The following PRH1 variants were observed in gnomAD, a reference collection of about 807,000 sequenced individuals.
The protein encoded by PRH1 is salivary acidic proline-rich phosphoprotein 1/2.
In PRH1, 7 loss-of-function variants were observed where a neutral mutation model predicts 7.9. The ratio of observed to expected loss-of-function variants is 0.89; its 90% CI spans 0.50 to 1.67. The LOEUF (loss-of-function observed/expected upper bound fraction) is 1.67. Ranked by LOEUF, PRH1 falls within the 40% of genes most tolerant of loss-of-function variation. PRH1 has a pLI of 0.00. For missense variants in PRH1, 109 were observed against 223.6 expected, an observed-to-expected ratio of 0.49 and a Z score of 3.27; for synonymous variants, 45 against 80.8, an observed-to-expected ratio of 0.56 and a Z score of 2.38.
At position 11,086,785 on chromosome 12, in the gene PRH1, A is replaced by C. The variant is rs1372356812; in HGVS notation, n.124-39597T>G. 3.5e-5 allele frequency among the ~76,000 whole-genome samples: 4 copies of C among 114,270 alleles called. No homozygotes were observed. The East Asian group carries it at 8.6e-4, about 24-fold the overall frequency. 75.0% of individuals were successfully genotyped at this position (114,270 alleles called of 152,430 possible). Reference sequence around the variant, plus strand: ...AAAAAGTAGCCAGGTGTGGTGGCACATGCATAAAATCCCAGCTACTCAGGT... The same window carrying C: ...AAAAAGTAGCCAGGTGTGGTGGCACCTGCATAAAATCCCAGCTACTCAGGT... On this transcript the variant is annotated intron_variant and non_coding_transcript_variant, in intron 1 of 4. Coordinates refer to the PRH1 transcript ENST00000541977.
chr12:11,011,048 T>G (rs556556439), intron 1 of PRH1, among the ~76,000 whole-genome samples: 1 of 152,124 alleles, frequency 6.6e-6, no homozygotes, highest in East Asian at 1.9e-4. Context: ...TAACAACTCC[T>G]AAAAGAACTC....
chr12:10,884,478 G>GT (rs1350702521), upstream of PRH1, among the ~76,000 whole-genome samples: 1 of 152,194 alleles, frequency 6.6e-6, no homozygotes, highest in Non-Finnish European at 1.5e-5. Flanking sequence ...TTGGACAAAT[G>GT]TTTTGACGGA....
chr12:11,114,053 G>C (rs773296269), intron 1 of PRH1, among the ~76,000 whole-genome samples: 2 of 152,166 alleles, frequency 1.3e-5, no homozygotes, highest in African/African-American at 2.4e-5. Context: ...TTACACTGTT[G>C]GTGGGAGTGC....
chr12:11,005,897 A>AC (rs1399309924), intron 1 of PRH1: 2 of 152,150 alleles, frequency 1.3e-5, no homozygotes, highest in East Asian at 3.9e-4. Context: ...TTGGGCACTT[A>AC]TTAAAAAATA....
intron 2 of PRH1, among the ~76,000 whole-genome samples, chr12:10,962,215 A>G (rs1244831860): frequency 6.6e-6 from 1 of 152,238 alleles, no homozygotes; most frequent in Non-Finnish European, 1.5e-5. Context: ...TCATTTAGAA[A>G]GGATATTAAA....
chr12:10,882,742 C>G (rs1356569358), intron 2 of PRH1, 44 bp from the exon 3 acceptor site: 1 of 1,599,552 alleles, frequency 6.3e-7, no homozygotes, highest in Non-Finnish European at 8.5e-7. Flanking sequence ...TGCTGGAAAA[C>G]CCTCCTGTCT....
At chr12:10,904,660 A>G (rs538537308) in intron 2 of PRH1, among the ~76,000 whole-genome samples, 240 of 152,262 alleles carry the variant, frequency 1.6e-3, no homozygotes, top group Non-Finnish European at 1.8e-3. Context: ...ATTGCAACAA[A>G]AAACAAAAAT....
At chr12:11,135,917 T>G (rs758120485) in intron 1 of PRH1, among the ~76,000 whole-genome samples, 6 of 152,192 alleles carry the variant, frequency 3.9e-5, no homozygotes, top group Non-Finnish European at 5.9e-5. Flanking sequence ...ACGTTTCTCC[T>G]AATTAAAACT....
chr12:10,881,931 G>A (rs1381238797), intron 3 of PRH1, among the ~76,000 whole-genome samples: 1 of 152,170 alleles, frequency 6.6e-6, no homozygotes, highest in Non-Finnish European at 1.5e-5. Context: ...AGAAAATAGA[G>A]AGAGCCAAAG....
At chr12:10,884,113 C>T in intron 1 of PRH1, 41 bp downstream of exon 1, 1 of 1,613,204 alleles carries the variant, frequency 6.2e-7, no homozygotes, top group Middle Eastern at 1.7e-4. Flanking sequence ...TGCCTGTAAA[C>T]CCCAATCAGA....
chr12:10,914,938 C>T (rs1949952484), intron 2 of PRH1, among the ~76,000 whole-genome samples: 1 of 152,152 alleles, frequency 6.6e-6, no homozygotes, highest in African/African-American at 2.4e-5. Context: ...ACCACCCTGG[C>T]TAACACGGTG....
chr12:11,058,457 A>C (rs78498390), intron 1 of PRH1, among the ~76,000 whole-genome samples: 1 of 148,580 alleles, frequency 6.7e-6, no homozygotes, highest in African/African-American at 2.5e-5. Context: ...CTCTCTCTCT[A>C]TATTTCCTAT....
intron 1 of PRH1, among the ~76,000 whole-genome samples, chr12:11,004,290 T>C (rs1245331312): frequency 6.6e-6 from 1 of 151,726 alleles, no homozygotes; most frequent in Non-Finnish European, 1.5e-5. Context: ...AGGTATGGAG[T>C]TCAAGGCCAG....
At chr12:11,068,984 TGCTCTCC>T (rs1943944714) in intron 1 of PRH1, among the ~76,000 whole-genome samples, 1 of 17,120 alleles carries the variant, frequency 5.8e-5, no homozygotes, top group African/African-American at 7.8e-5. Flanking sequence ...ATTGGCTCAC[TGCTCTCC>T]ACTGCTCTCT....
chr12:10,920,816 A>G (rs777751668), intron 2 of PRH1, among the ~76,000 whole-genome samples: 2 of 152,126 alleles, frequency 1.3e-5, no homozygotes, highest in Non-Finnish European at 2.9e-5. Context: ...TCTTGATTAA[A>G]TGAAAAGCTC....
intron 1 of PRH1, among the ~76,000 whole-genome samples, chr12:11,064,042 T>C (rs147333291): frequency 1.8e-4 from 27 of 152,168 alleles, no homozygotes; most frequent in African/African-American, 6.3e-4. Flanking sequence ...ATCATAAACA[T>C]TCAAGTAACC....
chr12:11,119,248 T>C (rs563530761), downstream of PRH1, among the ~76,000 whole-genome samples: 7 of 151,738 alleles, frequency 4.6e-5, no homozygotes, highest in East Asian at 1.9e-4. Flanking sequence ...AGAGAGTACA[T>C]AGATGGTTAA....
chr12:11,056,974 T>C (rs549478767), intron 1 of PRH1, among the ~76,000 whole-genome samples: 2 of 152,396 alleles, frequency 1.3e-5, no homozygotes, highest in South Asian at 2.1e-4. Context: ...CCTGTTTTAC[T>C]TGATATTTAA....
chr12:11,111,156 G>A (rs912750221), intron 1 of PRH1, among the ~76,000 whole-genome samples: 1 of 152,188 alleles, frequency 6.6e-6, no homozygotes, highest in Admixed American at 6.5e-5. Context: ...CATAAAGCAA[G>A]TTCTTAGAGA....
Sources: gnomAD v4.1 joint callset for allele counts (sites outside exome capture counted in the v4.1 genomes callset) on GRCh38, gnomAD v4.1.1 for gene constraint, MANE v1.5 for transcripts, NCBI Gene and HGNC (gene_info 2026-07-23, HGNC 2026-07-21) for gene names.